The following CHD7 variants were observed in gnomAD, a reference collection of about 807,000 sequenced individuals.
The protein encoded by CHD7 is ATP-dependent chromatin remodeler CHD7.
CHD7 carries 24 observed loss-of-function variants against 307.3 expected under a neutral mutation model. That is an observed-to-expected ratio of 0.08 (90% CI 0.06 to 0.11). CHD7 has a LOEUF of 0.11. Among genes scored for constraint, CHD7 ranks in the 10% least tolerant of loss-of-function variants. CHD7 has a pLI of 1.00. For synonymous variants in CHD7, 1,363 were observed against 1,349.9 expected (o/e 1.01, Z -0.21); for missense variants, 3,106 against 3,727.1 (o/e 0.83, Z 4.34).
At position 60,694,120 on chromosome 8, in the gene CHD7, T is replaced by C. The variant is rs139931177; in HGVS notation, c.-175+15038T>C. Among the ~76,000 whole-genome samples, 8 of 152,392 alleles carry C rather than the reference T, an allele frequency of 5.2e-5. No individual in the cohort carries two copies. In the East Asian group the frequency reaches 1.3e-3, roughly 26 times the overall value. On this transcript the variant is annotated intron_variant, in intron 1 of 37. Coordinates refer to ENST00000423902, the MANE Select transcript of CHD7 (RefSeq NM_017780.4). ...GAAGGAATTCAATAATGTTTTCAGA[T>C]TGACATCTCTAAAGAGCGAATGGCA...
chr8:60,842,846 G>C (rs1805032022), intron 21 of CHD7, among the ~76,000 whole-genome samples: 1 of 152,162 alleles, frequency 6.6e-6, no homozygotes, highest in Non-Finnish European at 1.5e-5. Context: ...GTCTTCTGTT[G>C]GTTCTTTCCC....
At chr8:60,721,798 G>A (rs900036474) in intron 1 of CHD7, among the ~76,000 whole-genome samples, 6 of 152,164 alleles carry the variant, frequency 3.9e-5, no homozygotes, top group Non-Finnish European at 7.4e-5. Flanking sequence ...CTTGAGGTAG[G>A]GATAGTGGCT....
chr8:60,789,745 T>C (rs890755951), intron 3 of CHD7, among the ~76,000 whole-genome samples: 5 of 152,254 alleles, frequency 3.3e-5, no homozygotes, highest in African/African-American at 1.2e-4. Context: ...ATTGGTTATC[T>C]ATACTGAATC....
chr8:60,700,351 A>T (rs1806699417), intron 1 of CHD7, among the ~76,000 whole-genome samples: 1 of 152,180 alleles, frequency 6.6e-6, no homozygotes, highest in Admixed American at 6.5e-5. Flanking sequence ...GAGTAGGTGT[A>T]TGTTACTTAA....
intron 2 of CHD7, among the ~76,000 whole-genome samples, chr8:60,774,326 T>C (rs569327574): frequency 1.3e-5 from 2 of 152,302 alleles, no homozygotes; most frequent in East Asian, 3.9e-4. Context: ...ACCAGCCTCA[T>C]AGGGCATTAC....
intron 1 of CHD7, among the ~76,000 whole-genome samples, chr8:60,713,513 A>G (rs1042438931): frequency 7.9e-5 from 12 of 152,178 alleles, no homozygotes; most frequent in East Asian, 1.9e-4. Context: ...ATTGTTGGAC[A>G]GTTAGGATCA....
chr8:60,813,193 C>T (rs1812892063), intron 7 of CHD7, among the ~76,000 whole-genome samples: 1 of 152,062 alleles, frequency 6.6e-6, no homozygotes, highest in Non-Finnish European at 1.5e-5. Context: ...AACATATCCC[C>T]TTATTGGTAA....
chr8:60,741,445 G>C lies in CHD7; in HGVS notation c.13G>C (p.Gly5Arg), dbSNP rs886063031. The change falls in exon 2 of 38, where the codon GGA becomes CGA. Residue 5 changes from glycine to arginine, a missense_variant. Transcript: ENST00000423902. ...GTGTTGGAAGAAGATGGCAGATCCA[G>C]GAATGATGAGTCTTTTTGGCGAGGA... Reference protein sequence around the residue: MADPGMMSLFGEDGN... With the variant: MADPRMMSLFGEDGN... 6.2e-7 allele frequency: 1 copy of C among 1,605,894 alleles called. No individual in the cohort carries two copies. Among genetic ancestry groups the C allele is most frequent in the Non-Finnish European group, 8.5e-7 (1 of 1,175,744 alleles).
chr8:60,801,233 C>T (rs2150710482), intron 5 of CHD7, among the ~76,000 whole-genome samples: 1 of 152,252 alleles, frequency 6.6e-6, no homozygotes, highest in South Asian at 2.1e-4. Context: ...TGCTAACGTG[C>T]AGAGATTATT....
intron 1 of CHD7, among the ~76,000 whole-genome samples, chr8:60,703,777 C>T (rs1209359865): frequency 6.6e-6 from 1 of 152,202 alleles, no homozygotes; most frequent in Non-Finnish European, 1.5e-5. Context: ...AGCCAGCTAC[C>T]AAGCCTGGTC....
intron 1 of CHD7, among the ~76,000 whole-genome samples, chr8:60,728,170 A>G (rs534789872): frequency 6.6e-6 from 1 of 152,362 alleles, no homozygotes; most frequent in African/African-American, 2.4e-5. Context: ...GTTGATGGGA[A>G]ATTTGCCAGG....
At chr8:60,719,011 G>T (rs1470984427) in intron 1 of CHD7, among the ~76,000 whole-genome samples, 1 of 152,234 alleles carries the variant, frequency 6.6e-6, no homozygotes, top group Non-Finnish European at 1.5e-5. Flanking sequence ...GCCTAGGTGT[G>T]TAGGAGGCTG....
In CHD7 at chr8:60,841,785, C is replaced by T. The variant is rs199706699; in HGVS notation, c.4644+31C>T. On this transcript the variant is annotated intron_variant, in intron 20 of 37. Transcript: ENST00000423902. ...TAAGAAGTCCCATTCGAACACCTAT[C>T]TGATCTAAACCAAGAGCCACTCTTT... 3.1e-6 allele frequency: 5 copies of T among 1,605,018 alleles called. No homozygotes were observed. The African/African-American group carries it at 6.7e-5, about 21-fold the overall frequency.
chr8:60,720,089 GAA>G, intron 1 of CHD7, among the ~76,000 whole-genome samples: 1 of 152,118 alleles, frequency 6.6e-6, no homozygotes, highest in South Asian at 2.1e-4. Context: ...CTTTTTTCCT[GAA>G]ATACTGTGGC....
chr8:60,763,393 C>T (rs968235855), intron 2 of CHD7, among the ~76,000 whole-genome samples: 5 of 152,016 alleles, frequency 3.3e-5, no homozygotes, highest in Non-Finnish European at 5.9e-5. Flanking sequence ...GTGGCTGCCA[C>T]GTCAGACAGC....
intron 1 of CHD7, among the ~76,000 whole-genome samples, chr8:60,732,310 A>T (rs1808494020): frequency 6.6e-6 from 1 of 152,256 alleles, no homozygotes; most frequent in Non-Finnish European, 1.5e-5. Context: ...TTAATCAGTG[A>T]CAACTGCAGT....
At position 60,742,192 on chromosome 8, in the gene CHD7, C is replaced by G. The variant is rs1554581354; in HGVS notation, c.760C>G (p.Gln254Glu). ...GGCACCTTCCTTGCGTCACTCGGTG[C>G]AGCAGTTCCATCACCACCCCTCTAC... ...SMAPSLRHSV[Q>E]QFHHHPSTAL... The change falls in exon 2 of 38, where the codon CAG becomes GAG. Residue 254 changes from glutamine to glutamate, a missense_variant. This residue lies in a region of CHD7 where 998 missense variants were observed against 1,004.5 expected (regional missense o/e 0.99). Coordinates refer to ENST00000423902, the MANE Select transcript of CHD7 (RefSeq NM_017780.4). 5.0e-6 allele frequency: 8 copies of G among 1,613,910 alleles called. No individual in the cohort carries two copies. In the African/African-American group the frequency reaches 5.3e-5, roughly 11 times the overall value.
chr8:60,679,993 G>A (rs1443238472), intron 1 of CHD7, among the ~76,000 whole-genome samples: 9 of 151,836 alleles, frequency 5.9e-5, no homozygotes, highest in South Asian at 4.1e-4. Context: ...CGGGGCGAGC[G>A]CCGGGAGGCG....
chr8:60,768,900 C>A (rs1810589604), intron 2 of CHD7, among the ~76,000 whole-genome samples: 1 of 152,140 alleles, frequency 6.6e-6, no homozygotes, highest in South Asian at 2.1e-4. Context: ...AACACCCCAT[C>A]TTATGTGACT....
Sources: gnomAD v4.1 joint callset for allele counts (sites outside exome capture counted in the v4.1 genomes callset) on GRCh38, gnomAD v4.1.1 for gene constraint, gnomAD v4.1.1 regional missense constraint, MANE v1.5 for transcripts, NCBI Gene and HGNC (gene_info 2026-07-23, HGNC 2026-07-21) for gene names.